GIPC1: variants seen among roughly 807,000 people sequenced by gnomAD.
The protein encoded by GIPC1 is PDZ domain-containing protein GIPC1.
In GIPC1, 15 loss-of-function variants were observed where a neutral mutation model predicts 28.5. The ratio of observed to expected loss-of-function variants is 0.53; its 90% CI spans 0.35 to 0.81. The LOEUF (loss-of-function observed/expected upper bound fraction) is 0.81. GIPC1 is among the 30% of genes least tolerant of loss of function. The pLI is 0.01. For missense variants in GIPC1, 439 were observed against 481.9 expected (o/e 0.91, Z 0.83); for synonymous variants, 224 against 206.1 (o/e 1.09, Z -0.74).
At chr19:14,485,567 C>G (rs1032890716) in intron 3 of GIPC1, among the ~76,000 whole-genome samples, 1 of 151,246 alleles carries the variant, frequency 6.6e-6, no homozygotes, top group African/African-American at 2.4e-5. Context: ...AGGAGAATTG[C>G]TTGAACCCAG....
intron 1 of GIPC1, among the ~76,000 whole-genome samples, chr19:14,494,133 T>C (rs1883449040): frequency 6.6e-6 from 1 of 152,112 alleles, no homozygotes; most frequent in South Asian, 2.1e-4. Flanking sequence ...CTAATTTTCA[T>C]ATTTTTAGGA....
rs780736806 is a variant in GIPC1 at position 14,480,755 on chromosome 19, G to C, written c.312C>G (p.Thr104=). The C allele has an allele frequency of 1.6e-5, 26 of 1,613,364 alleles. No homozygotes were observed. The highest frequency in any genetic ancestry group is 2.2e-5 in the Non-Finnish European group (26 of 1,179,346). The part of the protein sequence containing the change: ...TAEVMFCTLN[T]HKVDMDKLLG... ...GGAGCTTGTCCATGTCCACTTTGTG[G>C]GTGTTCAGGGTGCAGAACATCACCT... is the stretch of plus-strand genomic sequence containing the variant. Residue 104 remains threonine (T), a synonymous_variant, in exon 5 of 9, where the codon ACC becomes ACG. Coordinates refer to ENST00000393033, the MANE Select transcript of GIPC1 (RefSeq NM_005716.4).
At chr19:14,485,694 TATATATATAGAGAGAGAGAGAG>T (rs758133997) in intron 3 of GIPC1, among the ~76,000 whole-genome samples, 43 of 77,350 alleles carry the variant, frequency 5.6e-4, no homozygotes, top group Middle Eastern at 5.7e-3. Context: ...AATATATATA[TATATATATAGAGAGAGAGAGAG>T]AGAGAGAGAG....
intron 3 of GIPC1, 167 bp from the exon 4 acceptor site, chr19:14,483,173 G>T: frequency 1.7e-6 from 1 of 582,912 alleles, no homozygotes. Flanking sequence ...AGTAATAATA[G>T]GGCTGGGTGC....
rs748799797 is a variant in GIPC1 at position 14,480,343 on chromosome 19, G to A, written c.617C>T (p.Thr206Ile). The change falls in exon 6 of 9, where the codon ACC becomes ATC. Residue 206 changes from threonine (T) to isoleucine (I), a missense_variant. Thr to Ile is a moderately conservative substitution (Grantham distance 89). Coordinates refer to ENST00000393033, the MANE Select transcript of GIPC1 (RefSeq NM_005716.4). The part of the protein sequence containing the change: ...RLLKELPRGR[T>I]FTLKLTEPRK... ...AGGCTCCGTGAGCTTCAGCGTGAAG[G>A]TACGGCCTCGGGGCAGCTCCTTGAG... The A allele has an allele frequency of 6.2e-7, 1 of 1,611,846 alleles. No individual in the cohort carries two copies. The highest frequency in any genetic ancestry group is 8.5e-7 in the Non-Finnish European group (1 of 1,179,898).
Position 14,478,731 on chromosome 19 carries a change from A to T in GIPC1, c.803T>A (p.Val268Glu), listed in dbSNP as rs1212002419. 1 of 1,613,420 alleles carries T rather than the reference A, an allele frequency of 6.2e-7. No homozygotes were observed. The highest frequency in any genetic ancestry group is 8.5e-7 in the Non-Finnish European group (1 of 1,179,830). ...SAFEEKAIEK[V>E]DDLLESYMGI... Reference sequence around the variant, plus strand: ...CATGTAACTCTCCAGCAGGTCATCCACCTTCTCAATGGCCTTCTCTTCAAA... The same window carrying T: ...CATGTAACTCTCCAGCAGGTCATCCTCCTTCTCAATGGCCTTCTCTTCAAA... The change falls in exon 8 of 9, where the codon GTG (valine) becomes GAG (glutamate). Residue 268 changes from valine (V) to glutamate (E), a missense_variant. Val to Glu is a moderately radical substitution (Grantham distance 121, BLOSUM62 -2). Coordinates refer to ENST00000393033, the MANE Select transcript of GIPC1 (RefSeq NM_005716.4). This position sits in a 1 kb window ranked among gnomAD's most constrained non-coding sequence, Gnocchi z 5.2.
intron 1 of GIPC1, among the ~76,000 whole-genome samples, chr19:14,495,258 T>C (rs1186316925): frequency 6.6e-6 from 1 of 151,464 alleles, no homozygotes; most frequent in African/African-American, 2.4e-5. Context: ...CAGCTTCCTG[T>C]TTGAGTGGCT....
At chr19:14,479,367 G>C (rs932613382) in intron 7 of GIPC1, 45 bp downstream of exon 7, 1 of 732,440 alleles carries the variant, frequency 1.4e-6, no homozygotes, top group African/African-American at 2.0e-5. Flanking sequence ...AAAAAAAAAA[G>C]AAAGGGAAGG....
rs1305778566 is a variant in GIPC1, at chr19:14,479,485, G to C, written c.695C>G (p.Ser232Cys). Residue 232 changes from serine to cysteine, a missense_variant, in exon 7 of 9, where the codon TCT (serine) becomes TGT (cysteine). Transcript: ENST00000393033. ...SQRSAGGRPG[S>C]GPQLGTGRGT... ...TCGGCCAGTGCCCAGTTGTGGGCCA[G>C]AGCCAGGGCGGCCACCCGCTGAACG... The C allele has an allele frequency of 6.9e-6, 10 of 1,444,270 alleles. No homozygotes were observed. The highest frequency in any genetic ancestry group is 9.1e-6 in the Non-Finnish European group (10 of 1,102,552). The allele number at this position is 1,444,270 out of a possible 1,614,324, so 89.5% of individuals were successfully genotyped here.
intron 3 of GIPC1, among the ~76,000 whole-genome samples, chr19:14,488,970 G>C (rs2071905710): frequency 6.6e-6 from 1 of 151,752 alleles, no homozygotes; most frequent in Non-Finnish European, 1.5e-5. Context: ...CTGTCGTCCA[G>C]GCTGCAGTGG....
intron 1 of GIPC1, among the ~76,000 whole-genome samples, chr19:14,494,455 C>A (rs532959821): frequency 6.6e-6 from 1 of 152,304 alleles, no homozygotes; most frequent in South Asian, 2.1e-4. Flanking sequence ...CAGTACCACC[C>A]GCTCATATTT....
rs2071768773 is a variant in GIPC1 at position 14,483,137 on chromosome 19, G to C, written c.-30-131C>G. ...GCCTCGGTTGAAATCCTCATCTCTT[G>C]TATAGTGACAGGACACTTATATAAA... On this transcript the variant is annotated intron_variant, in intron 3 of 8. Coordinates refer to ENST00000393033, the MANE Select transcript of GIPC1 (RefSeq NM_005716.4). 7 of 626,218 alleles carry C rather than the reference G, an allele frequency of 1.1e-5. No individual in the cohort carries two copies. In the South Asian group the frequency reaches 1.4e-4, roughly 12 times the overall value. The allele number at this position is 626,218 out of a possible 1,614,324, so 38.8% of individuals were successfully genotyped here.
intron 3 of GIPC1, among the ~76,000 whole-genome samples, chr19:14,485,920 G>A (rs1046077387): frequency 2.0e-5 from 3 of 151,580 alleles, no homozygotes; most frequent in Admixed American, 1.3e-4. Flanking sequence ...ACAAGTGCCC[G>A]CCACCATGCC....
rs1014388043 is a variant in GIPC1, at chr19:14,478,977, T to C, written c.769-212A>G. ...AGGAAGGTCCCTGGGAGCTGGGAAG[T>C]GGCAGAAGTGGACTAGAATCCAGGC... On this transcript the variant is annotated intron_variant, in intron 7 of 8. Coordinates refer to ENST00000393033, the MANE Select transcript of GIPC1 (RefSeq NM_005716.4). The surrounding 1 kb of genome is among the most constrained non-coding windows in gnomAD (Gnocchi z 5.2). Among the ~76,000 whole-genome samples the C allele has an allele frequency of 1.3e-5, 2 of 152,164 alleles. No individual in the cohort carries two copies. The highest frequency in any genetic ancestry group is 4.8e-5 in the African/African-American group (2 of 41,450).
intron 4 of GIPC1, 185 bp downstream of exon 4, chr19:14,482,504 C>A: frequency 1.6e-6 from 1 of 634,358 alleles, no homozygotes; most frequent in Non-Finnish European, 2.8e-6. Flanking sequence ...TTCACAGGGG[C>A]ACAAGCCTCC....
In GIPC1 at chr19:14,478,854, A is replaced by G. The variant is rs1217522714; in HGVS notation, c.769-89T>C. 3.0e-6 allele frequency: 3 copies of G among 994,710 alleles called. No homozygotes were observed. In the African/African-American group the frequency reaches 4.8e-5, roughly 16 times the overall value. The allele number at this position is 994,710 out of a possible 1,614,324, so 61.6% of individuals were successfully genotyped here. On this transcript the variant is annotated intron_variant, in intron 7 of 8. Transcript: ENST00000393033. The surrounding 1 kb of genome is among the most constrained non-coding windows in gnomAD (Gnocchi z 5.2). The stretch of plus-strand genomic sequence containing the variant: ...GACTGCCATTGTCACCACTTTACAT[A>G]TATTCGTATTTAGACCTCAGGACAA...
At chr19:14,494,924 T>C (rs1260764036) in intron 1 of GIPC1, among the ~76,000 whole-genome samples, 1 of 151,974 alleles carries the variant, frequency 6.6e-6, no homozygotes, top group Non-Finnish European at 1.5e-5. Context: ...ACAGAAGCAG[T>C]GTGGCCAGCA....
At chr19:14,491,327 C>T (rs997144934) in intron 3 of GIPC1, among the ~76,000 whole-genome samples, 2 of 151,796 alleles carry the variant, frequency 1.3e-5, no homozygotes, top group East Asian at 1.9e-4. Flanking sequence ...GGCGCGATCT[C>T]GGCTCACTGC....
intron 3 of GIPC1, among the ~76,000 whole-genome samples, chr19:14,486,678 T>C (rs2071850572): frequency 6.6e-6 from 1 of 151,522 alleles, no homozygotes; most frequent in African/African-American, 2.4e-5. Context: ...ACCACATACA[T>C]TTTTTTTCTG....
Sources: gnomAD v4.1 joint callset for allele counts (sites outside exome capture counted in the v4.1 genomes callset) on GRCh38, gnomAD v4.1.1 for gene constraint, Gnocchi (gnomAD v3.1) non-coding constraint, MANE v1.5 for transcripts, NCBI Gene and HGNC (gene_info 2026-07-23, HGNC 2026-07-21) for gene names.